The following CEP170B variants were observed in gnomAD, a reference collection of about 807,000 sequenced individuals.
CEP170B encodes centrosomal protein 170B, also known as centrosomal protein of 170 kDa protein B.
CEP170B carries 55 observed loss-of-function variants against 120.6 expected under a neutral mutation model. That is an observed-to-expected ratio of 0.46 (90% CI 0.37 to 0.57). CEP170B has a LOEUF of 0.57. CEP170B is among the 20% of genes least tolerant of loss of function. CEP170B has a pLI of 0.00. For synonymous variants in CEP170B, 1,033 were observed against 954.5 expected (o/e 1.08, Z -1.52); for missense variants, 2,212 against 2,253.3 (o/e 0.98, Z 0.37).
At chr14:104,877,832 A>AGCCCCCCCCCCCC in intron 3 of CEP170B, 53 bp from the exon 4 acceptor site, 1 of 307,618 alleles carries the variant, frequency 3.3e-6, no homozygotes, top group Non-Finnish European at 5.2e-6. Flanking sequence ...CCCTGCCCAC[A>AGCCCCCCCCCCCC]GCCACCCACC....
Position 104,895,183 on chromosome 14 carries a change from CT to C in CEP170B, c.*226del, listed in dbSNP as rs1230176071. The C allele has an allele frequency of 1.9e-6, 1 of 514,000 alleles. No individual in the cohort carries two copies. Among genetic ancestry groups the C allele is most frequent in the Non-Finnish European group, 3.4e-6 (1 of 297,094 alleles). 31.8% of individuals were successfully genotyped at this position (514,000 alleles called of 1,614,324 possible). A position where few individuals can be genotyped will look rare whatever the true frequency, so the allele number is the denominator to read the frequency against. On this transcript the variant is annotated 3_prime_UTR_variant, in exon 19 of 19. Coordinates refer to ENST00000414716, the MANE Select transcript of CEP170B (RefSeq NM_001112726.3). The stretch of plus-strand genomic sequence containing the variant: ...GCCACCCCCACCCCTGCCTCGCCCC[CT>C]ACAGGCCTCTGGGCCCAGCTCCTGG...
rs1056620354 is a variant in CEP170B, at chr14:104,884,498, G to A, written c.1719G>A (p.Glu573=). ...SLSDAGTYTI[E]TEAQDTEVEE... ...GTGACGCAGGGACATACACCATCGA[G>A]ACCGAGGCGCAGGACACGGAGGTGG... Residue 573 remains glutamate, a synonymous_variant, in exon 9 of 19, where the codon GAG becomes GAA. Coordinates refer to ENST00000414716, the MANE Select transcript of CEP170B (RefSeq NM_001112726.3). 3 of 1,565,380 alleles carry A rather than the reference G, an allele frequency of 1.9e-6. No homozygotes were observed. Among genetic ancestry groups the A allele is most frequent in the Non-Finnish European group, 2.6e-6 (3 of 1,154,836 alleles).
At position 104,886,462 on chromosome 14, in the gene CEP170B, G is replaced by A; in HGVS notation, c.2223G>A (p.Glu741=). 1 of 1,561,084 alleles carries A rather than the reference G, an allele frequency of 6.4e-7. No homozygotes were observed. Among genetic ancestry groups the A allele is most frequent in the South Asian group, 1.2e-5 (1 of 83,842 alleles). The change falls in exon 12 of 19, where the codon GAG becomes GAA. Residue 741 remains glutamate, a synonymous_variant. Coordinates refer to ENST00000414716, the MANE Select transcript of CEP170B (RefSeq NM_001112726.3). ...EQPSRLFGQE[E]LDPDSLSDAS... ...CCAGCCGCCTCTTCGGCCAGGAGGA[G>A]TTGGATCCTGACAGCCTCAGCGATG...
rs1463496866 is a variant in CEP170B at position 104,884,323 on chromosome 14, C to T, written c.1544C>T (p.Ala515Val). 33 of 1,543,164 alleles carry T rather than the reference C, an allele frequency of 2.1e-5. No individual in the cohort carries two copies. The highest frequency in any genetic ancestry group is 2.8e-5 in the Non-Finnish European group (32 of 1,144,602). Residue 515 changes from alanine to valine, a missense_variant, in exon 9 of 19, where the codon GCC (alanine) becomes GTC (valine). By Grantham distance (64) the Ala-to-Val change is moderately conservative. This residue lies in a region of CEP170B where 2,166 missense variants were observed against 2,166.7 expected (regional missense o/e 1.00). Transcript: ENST00000414716. ...TGTCTGCGGGAGAGCTCCCCGGCCG[C>T]CCGGCCCAGCCCCGAGAAGGTTCCT... ...AQCLRESSPA[A>V]RPSPEKVPPV...
Position 104,882,794 on chromosome 14 carries a change from C to T in CEP170B, c.539C>T (p.Thr180Met), listed in dbSNP as rs759345773. ...PSWWGEDDGSTLPDAQRQGEP... is the reference protein window; with the variant it reads ...PSWWGEDDGSMLPDAQRQGEP... ...TGGTGGGGTGAGGACGATGGTAGCA[C>T]GCTGCCTGACGCCCAGCGCCAGGGA... is the stretch of plus-strand genomic sequence containing the variant. The change falls in exon 7 of 19, where the codon ACG becomes ATG. Residue 180 changes from threonine (T) to methionine (M), a missense_variant. Transcript: ENST00000414716. The T allele has an allele frequency of 3.2e-5, 51 of 1,612,184 alleles. No individual in the cohort carries two copies. The highest frequency in any genetic ancestry group is 4.0e-5 in the African/African-American group (3 of 74,870).
At position 104,878,487 on chromosome 14, in the gene CEP170B, G is replaced by T; in HGVS notation, c.319G>T (p.Glu107Ter). The T allele has an allele frequency of 6.2e-7, 1 of 1,611,730 alleles. No individual in the cohort carries two copies. Reference sequence around the variant, plus strand: ...GGAGCGTGTGCAGCACCGAGTCCCGGAGGAGGCACTCAAGGTTAGTGCTGG... The same window carrying T: ...GGAGCGTGTGCAGCACCGAGTCCCGTAGGAGGCACTCAAGGTTAGTGCTGG... ...VLERVQHRVP[E>*]EALKHEKYTS... is the part of the protein sequence containing the mutation. Residue 107 changes from glutamate to a stop codon, truncating the protein, a stop_gained, in exon 5 of 19, where the codon GAG (glutamate) becomes TAG (stop). Transcript: ENST00000414716. LOFTEE classifies it high-confidence loss of function.
Position 104,886,794 on chromosome 14 carries a change from G to A in CEP170B, c.2555G>A (p.Arg852Gln). Residue 852 changes from arginine (R) to glutamine (Q), a missense_variant, in exon 12 of 19, where the codon CGG becomes CAG. Coordinates refer to ENST00000414716, the MANE Select transcript of CEP170B (RefSeq NM_001112726.3). ...ATGGTCATCCAGCTACGGCCTGGAC[G>A]GTCCCCAGAACCCGACGGCCCTGCC... is the stretch of plus-strand genomic sequence containing the variant. ...GRMVIQLRPGRSPEPDGPAPA... is the reference protein window; with the variant it reads ...GRMVIQLRPGQSPEPDGPAPA... 12 of 1,611,558 alleles carry A rather than the reference G, an allele frequency of 7.4e-6. No individual in the cohort carries two copies. Among genetic ancestry groups the A allele is most frequent in the South Asian group, 4.4e-5 (4 of 91,082 alleles).
rs764377508 is a variant in CEP170B, at chr14:104,887,083, C to T, written c.2844C>T (p.Asp948=). The change falls in exon 12 of 19, where the codon GAC becomes GAT. Residue 948 remains aspartate (D), a synonymous_variant. Coordinates refer to ENST00000414716, the MANE Select transcript of CEP170B (RefSeq NM_001112726.3). ...GCAGCACCCCGAGGCCGCCGGAGGA[C>T]GCCCTGTCTGGGGACTCGGACGTGG... ...EGGSTPRPPE[D]ALSGDSDVDT... is the part of the protein sequence containing the mutation. 5.6e-6 allele frequency: 9 copies of T among 1,611,360 alleles called. No individual in the cohort carries two copies. In the Admixed American group the frequency reaches 6.7e-5, roughly 12 times the overall value.
intron 6 of CEP170B, 62 bp from the exon 7 acceptor site, chr14:104,882,666 T>C (rs1896218069): frequency 7.3e-7 from 1 of 1,371,942 alleles, no homozygotes; most frequent in South Asian, 1.3e-5. Context: ...GGCTGCCAGT[T>C]CTCTGCTTTT....
In CEP170B at chr14:104,891,263, G is replaced by A. The variant is rs1250662681; in HGVS notation, c.3878+1505G>A. On this transcript the variant is annotated intron_variant, in intron 13 of 18. Transcript: ENST00000414716. The surrounding 1 kb of genome is among the most constrained non-coding windows in gnomAD (Gnocchi z 4.3). ...GAGGATGGGGTAGGGAGTTGGGTGGGAGTGAGAGTGGTCTTTGCCAAGCAG... is the reference window on the plus strand; with the variant it reads ...GAGGATGGGGTAGGGAGTTGGGTGGAAGTGAGAGTGGTCTTTGCCAAGCAG... Among the ~76,000 whole-genome samples, 1 of 152,130 alleles carries A rather than the reference G, an allele frequency of 6.6e-6. No individual in the cohort carries two copies. Among genetic ancestry groups the A allele is most frequent in the East Asian group, 1.9e-4 (1 of 5,196 alleles).
rs1334353003 is a variant in CEP170B, at chr14:104,896,276, G to A, written c.*1318G>A. The A allele has an allele frequency of 5.0e-5, 11 of 218,224 alleles. No individual in the cohort carries two copies. Among genetic ancestry groups the A allele is most frequent in the African/African-American group, 4.3e-5 (1 of 23,306 alleles). The allele number at this position is 218,224 out of a possible 1,614,324, so 13.5% of individuals were successfully genotyped here. A position where few individuals can be genotyped will look rare whatever the true frequency, so the allele number is the denominator to read the frequency against. On this transcript the variant is annotated 3_prime_UTR_variant, in exon 19 of 19. Transcript: ENST00000414716. ...TTAGCTGAGCTGGGGTTGGGTGTACGGGTTCTGTTCCTCTGAGCCTGCGGC... is the reference window on the plus strand; with the variant it reads ...TTAGCTGAGCTGGGGTTGGGTGTACAGGTTCTGTTCCTCTGAGCCTGCGGC...
chr14:104,879,874 T>C (rs1212376794), intron 5 of CEP170B, among the ~76,000 whole-genome samples: 1 of 152,148 alleles, frequency 6.6e-6, no homozygotes, highest in African/African-American at 2.4e-5. Flanking sequence ...CCGGGAGCCC[T>C]TTGGGGCCAG....
At chr14:104,872,973 TC>T (rs1345210407) in intron 2 of CEP170B, among the ~76,000 whole-genome samples, 3 of 152,258 alleles carry the variant, frequency 2.0e-5, no homozygotes, top group East Asian at 3.8e-4. Flanking sequence ...TGCACCGAGT[TC>T]CGTCCACAGC....
At chr14:104,892,108 C>T in intron 13 of CEP170B, among the ~76,000 whole-genome samples, 1 of 152,090 alleles carries the variant, frequency 6.6e-6, no homozygotes, top group East Asian at 1.9e-4. Flanking sequence ...GGGGCCTGTC[C>T]CCATGAGGAT....
At chr14:104,885,280 C>T (rs2140705822) in intron 9 of CEP170B, 89 bp from the exon 10 acceptor site, 4 of 1,404,532 alleles carry the variant, frequency 2.8e-6, no homozygotes, top group African/African-American at 1.5e-5. Context: ...CCCTGCTCTC[C>T]CTGTGGCCTG....
At position 104,885,558 on chromosome 14, in the gene CEP170B, G is replaced by A; in HGVS notation, c.1944+16G>A. 1 of 1,544,182 alleles carries A rather than the reference G, an allele frequency of 6.5e-7. No individual in the cohort carries two copies. Among genetic ancestry groups the A allele is most frequent in the South Asian group, 1.2e-5 (1 of 83,830 alleles). On this transcript the variant is annotated intron_variant, in intron 10 of 18. Coordinates refer to ENST00000414716, the MANE Select transcript of CEP170B (RefSeq NM_001112726.3). ...GGAGCACCAGGTACAGGCACAGACG[G>A]CCACCCCAAGGAGGGGCTGGGCAGG...
chr14:104,895,854 C>T lies in CEP170B; in HGVS notation c.*896C>T, dbSNP rs138255150. On this transcript the variant is annotated 3_prime_UTR_variant, in exon 19 of 19. Coordinates refer to ENST00000414716, the MANE Select transcript of CEP170B (RefSeq NM_001112726.3). ...CCAAAGTCACTGGAAGCCGGGTTTC[C>T]GGAAGCTCGCAGCTTGGCCTGCACC... 1.5e-4 allele frequency: 23 copies of T among 152,780 alleles called. No individual in the cohort carries two copies. Among genetic ancestry groups the T allele is most frequent in the South Asian group, 8.3e-4 (4 of 4,834 alleles). 9.5% of individuals were successfully genotyped at this position (152,780 alleles called of 1,614,324 possible). A position where few individuals can be genotyped will look rare whatever the true frequency, so the allele number is the denominator to read the frequency against.
chr14:104,866,092 A>G (rs1895191267), intron 1 of CEP170B, among the ~76,000 whole-genome samples: 1 of 151,692 alleles, frequency 6.6e-6, no homozygotes, highest in African/African-American at 2.4e-5. Flanking sequence ...GGCTGAGGGG[A>G]CAAGTTTGGG....
At chr14:104,873,098 A>G (rs1452762201) in intron 2 of CEP170B, among the ~76,000 whole-genome samples, 8 of 151,778 alleles carry the variant, frequency 5.3e-5, no homozygotes. Context: ...GAGTTTCTGG[A>G]AGGGGGTTCC....
Sources: allele counts gnomAD v4.1 joint callset (sites outside exome capture counted in the v4.1 genomes callset), GRCh38; gene constraint gnomAD v4.1.1; regional missense constraint gnomAD v4.1.1; non-coding constraint Gnocchi (gnomAD v3.1); transcripts MANE v1.5; gene names NCBI Gene and HGNC (gene_info 2026-07-23, HGNC 2026-07-21).